The following TOX variants were observed in gnomAD, a reference collection of about 807,000 sequenced individuals.
TOX encodes the protein thymocyte selection associated high mobility group box.
TOX carries 11 observed loss-of-function variants against 53.7 expected under a neutral mutation model. The observed-to-expected ratio is 0.20, with a 90% CI of 0.13 to 0.34. The LOEUF (loss-of-function observed/expected upper bound fraction) is 0.34. TOX is among the 10% of genes least tolerant of loss of function. The pLI is 1.00. For missense variants in TOX, 570 were observed against 664.6 expected (o/e 0.86, Z 1.56); for synonymous variants, 225 against 245.3 (o/e 0.92, Z 0.77).
rs773305885 is a variant in TOX at position 58,808,177 on chromosome 8, C to T, written c.1485G>A (p.Ser495=). ...VVTQAMEYVR[S]GCRNPPPQPV... ...GTTGTGGGGGAGGATTTCTGCACCCCGAACGCACATACTCCATTGCCTGGG... is the reference window on the plus strand; with the variant it reads ...GTTGTGGGGGAGGATTTCTGCACCCTGAACGCACATACTCCATTGCCTGGG... Residue 495 remains serine (S), a synonymous_variant, in exon 8 of 9, where the codon TCG becomes TCA. Coordinates refer to ENST00000361421, the MANE Select transcript of TOX (RefSeq NM_014729.3). 3.1e-6 allele frequency: 5 copies of T among 1,614,122 alleles called. No individual in the cohort carries two copies. Among genetic ancestry groups the T allele is most frequent in the East Asian group, 2.2e-5 (1 of 44,872 alleles).
At chr8:59,100,843 C>G (rs906814942) in intron 1 of TOX, among the ~76,000 whole-genome samples, 4 of 152,086 alleles carry the variant, frequency 2.6e-5, no homozygotes, top group Non-Finnish European at 4.4e-5. Flanking sequence ...AAGAGTTGAG[C>G]ATGAACTCCC....
At chr8:59,045,917 A>C (rs1803673421) in intron 1 of TOX, among the ~76,000 whole-genome samples, 1 of 152,170 alleles carries the variant, frequency 6.6e-6, no homozygotes, top group African/African-American at 2.4e-5. Context: ...AGAATGTTAG[A>C]AGTGAAACAA....
At chr8:58,969,034 T>G (rs956612616) in intron 1 of TOX, among the ~76,000 whole-genome samples, 2 of 152,210 alleles carry the variant, frequency 1.3e-5, no homozygotes. Flanking sequence ...AAGATGGAGA[T>G]TCTCACTTCC....
intron 1 of TOX, among the ~76,000 whole-genome samples, chr8:59,091,537 T>G (rs1017685325): frequency 2.6e-5 from 4 of 152,186 alleles, no homozygotes; most frequent in African/African-American, 9.7e-5. Flanking sequence ...TTGTTAGTCT[T>G]AGCTCACTTT....
intron 1 of TOX, among the ~76,000 whole-genome samples, chr8:59,087,808 T>G (rs951796454): frequency 5.3e-5 from 8 of 152,252 alleles, no homozygotes; most frequent in Non-Finnish European, 7.3e-5. Flanking sequence ...TTATGGGGTT[T>G]GATTTCAGAA....
chr8:58,962,725 G>C (rs1812822480), intron 1 of TOX, among the ~76,000 whole-genome samples: 1 of 152,184 alleles, frequency 6.6e-6, no homozygotes. Context: ...AGGACTGCTT[G>C]AGCCTGGGAG....
intron 3 of TOX, among the ~76,000 whole-genome samples, chr8:58,901,150 A>G (rs1208130668): frequency 6.6e-6 from 1 of 152,172 alleles, no homozygotes; most frequent in African/African-American, 2.4e-5. Context: ...AGTGTCTTTT[A>G]TTACTTATTT....
intron 1 of TOX, among the ~76,000 whole-genome samples, chr8:59,033,844 G>A (rs917565541): frequency 5.3e-5 from 8 of 152,176 alleles, no homozygotes; most frequent in African/African-American, 1.9e-4. Flanking sequence ...TTTTCTGGTA[G>A]CAAGAACATG....
chr8:59,006,826 A>G (rs1056352772), intron 1 of TOX, among the ~76,000 whole-genome samples: 2 of 152,224 alleles, frequency 1.3e-5, no homozygotes, highest in Non-Finnish European at 2.9e-5. Context: ...ACAGACATCC[A>G]GACCAAAAAA....
Position 59,015,502 on chromosome 8 carries a change from T to G in TOX, c.103-55494A>C, listed in dbSNP as rs1399184765. On this transcript the variant is annotated intron_variant, in intron 1 of 8. Transcript: ENST00000361421. The stretch of plus-strand genomic sequence containing the variant: ...ATACATTATTGCAAAATGATATTTA[T>G]TTCCACAATCTTCACAGCTGTGAGC... Among the ~76,000 whole-genome samples, 2 of 152,252 alleles carry G rather than the reference T, an allele frequency of 1.3e-5. 1 individual carries two copies. The highest frequency in any genetic ancestry group is 4.8e-5 in the African/African-American group (2 of 41,464).
chr8:59,063,988 T>A (rs1405291214), intron 1 of TOX, among the ~76,000 whole-genome samples: 1 of 151,984 alleles, frequency 6.6e-6, no homozygotes, highest in African/African-American at 2.4e-5. Flanking sequence ...AATGTTGTGC[T>A]AAATGTACTA....
intron 3 of TOX, among the ~76,000 whole-genome samples, chr8:58,894,356 C>A (rs1811605950): frequency 6.6e-6 from 1 of 152,132 alleles, no homozygotes; most frequent in South Asian, 2.1e-4. Flanking sequence ...AATAAAAGAT[C>A]TTTGAAATTA....
At chr8:58,988,152 A>G (rs1813369408) in intron 1 of TOX, among the ~76,000 whole-genome samples, 1 of 152,218 alleles carries the variant, frequency 6.6e-6, no homozygotes, top group South Asian at 2.1e-4. Flanking sequence ...TAAGGTCACA[A>G]TTTCACCATT....
At chr8:58,853,077 T>C (rs143417241) in intron 3 of TOX, among the ~76,000 whole-genome samples, 251 of 152,328 alleles carry the variant, frequency 1.6e-3, no homozygotes, top group African/African-American at 5.7e-3. Flanking sequence ...ACTGAGGCTG[T>C]CCACAGCCCC....
chr8:59,110,615 C>T (rs1323956607), intron 1 of TOX, among the ~76,000 whole-genome samples: 1 of 151,974 alleles, frequency 6.6e-6, no homozygotes, highest in East Asian at 1.9e-4. Flanking sequence ...AGGGCATTTC[C>T]CTCTTTCACA....
intron 1 of TOX, among the ~76,000 whole-genome samples, chr8:59,107,047 G>C (rs935681290): frequency 2.1e-5 from 1 of 46,546 alleles, no homozygotes; most frequent in Non-Finnish European, 3.9e-5. Flanking sequence ...GCAGTTTGCT[G>C]GGGGGGGGGG....
At chr8:58,927,804 C>T (rs558480079) in intron 3 of TOX, among the ~76,000 whole-genome samples, 1 of 152,244 alleles carries the variant, frequency 6.6e-6, no homozygotes, top group South Asian at 2.1e-4. Flanking sequence ...TTCAGATGCA[C>T]AGACCAGATC....
chr8:58,844,850 A>T (rs1464165771), intron 4 of TOX, among the ~76,000 whole-genome samples: 1 of 152,128 alleles, frequency 6.6e-6, no homozygotes, highest in Non-Finnish European at 1.5e-5. Context: ...CTTTACACAG[A>T]TACACGTGCT....
intron 1 of TOX, among the ~76,000 whole-genome samples, chr8:59,064,955 C>T (rs550017220): frequency 2.4e-4 from 37 of 152,172 alleles, no homozygotes; most frequent in Non-Finnish European, 4.4e-4. Context: ...CTTGAGGGGG[C>T]TTTTTAAAAG....
Sources: gnomAD v4.1 joint callset for allele counts (sites outside exome capture counted in the v4.1 genomes callset) on GRCh38, gnomAD v4.1.1 for gene constraint, MANE v1.5 for transcripts, NCBI Gene and HGNC (gene_info 2026-07-23, HGNC 2026-07-21) for gene names.